Variants in CLSTN2 observed in about 807,000 individuals in gnomAD.
CLSTN2 encodes the protein calsyntenin-2.
Under a neutral mutation model 101.2 loss-of-function variants are expected in CLSTN2, and 48 were observed. The ratio of observed to expected loss-of-function variants is 0.47; its 90% CI spans 0.38 to 0.60. The LOEUF is 0.60. CLSTN2 is among the 20% of genes least tolerant of loss of function. The pLI, the probability that CLSTN2 is intolerant of heterozygous loss-of-function variation, is 0.00. For missense variants in CLSTN2, 1,160 were observed against 1,238.2 expected, an observed-to-expected ratio of 0.94 and a Z score of 0.95; for synonymous variants, 481 against 463.6, an observed-to-expected ratio of 1.04 and a Z score of -0.48.
At chr3:140,112,418 T>C (rs1044622490) in intron 1 of CLSTN2, among the ~76,000 whole-genome samples, 1 of 152,066 alleles carries the variant, frequency 6.6e-6, no homozygotes, top group African/African-American at 2.4e-5. Flanking sequence ...TTTTCTGCCA[T>C]AGAATATGCA....
intron 2 of CLSTN2, among the ~76,000 whole-genome samples, chr3:140,374,095 G>A (rs1275266555): frequency 1.3e-5 from 2 of 152,136 alleles, no homozygotes; most frequent in Non-Finnish European, 2.9e-5. Flanking sequence ...CCTACAGCAT[G>A]GCATCCTTCC....
intron 2 of CLSTN2, among the ~76,000 whole-genome samples, chr3:140,257,816 A>G (rs2086617181): frequency 6.6e-6 from 1 of 152,138 alleles, no homozygotes; most frequent in Non-Finnish European, 1.5e-5. Flanking sequence ...TGGCATTGTC[A>G]TGATTTTTTG....
chr3:139,982,480 G>A (rs1009376234), intron 1 of CLSTN2, among the ~76,000 whole-genome samples: 1 of 152,068 alleles, frequency 6.6e-6, no homozygotes, highest in Non-Finnish European at 1.5e-5. Flanking sequence ...TTTAATAGCT[G>A]CAAATGCTAG....
chr3:140,273,898 A>G (rs2086767910), intron 2 of CLSTN2, among the ~76,000 whole-genome samples: 1 of 152,146 alleles, frequency 6.6e-6, no homozygotes, highest in South Asian at 2.1e-4. Flanking sequence ...CTCAATTTCA[A>G]AGGGGACAGG....
chr3:140,305,033 C>G (rs2087098452), intron 2 of CLSTN2, among the ~76,000 whole-genome samples: 2 of 144,840 alleles, frequency 1.4e-5, no homozygotes, highest in Non-Finnish European at 3.1e-5. Context: ...GACACACACA[C>G]ACACACACAC....
intron 8 of CLSTN2, among the ~76,000 whole-genome samples, chr3:140,480,144 G>A (rs1166007807): frequency 1.3e-5 from 2 of 149,970 alleles, no homozygotes; most frequent in Non-Finnish European, 2.9e-5. Context: ...CCCTTCCTGT[G>A]TCCATGTGTT....
chr3:140,038,460 A>T (rs1352868374), intron 1 of CLSTN2, among the ~76,000 whole-genome samples: 1 of 152,130 alleles, frequency 6.6e-6, no homozygotes, highest in Non-Finnish European at 1.5e-5. Flanking sequence ...TCAGATGGAC[A>T]GATTGTAAAA....
intron 2 of CLSTN2, among the ~76,000 whole-genome samples, chr3:140,283,383 C>T (rs1323054518): frequency 6.6e-6 from 1 of 152,200 alleles, no homozygotes; most frequent in Non-Finnish European, 1.5e-5. Flanking sequence ...ACTAGTACAC[C>T]TGTGCAATCA....
At chr3:139,964,528 C>A (rs966698274) in intron 1 of CLSTN2, among the ~76,000 whole-genome samples, 6 of 151,974 alleles carry the variant, frequency 3.9e-5, no homozygotes, top group African/African-American at 1.2e-4. Flanking sequence ...GGGAAGAGGG[C>A]CTTAGTTAAG....
At chr3:140,255,455 A>G (rs894980531) in intron 2 of CLSTN2, among the ~76,000 whole-genome samples, 2 of 152,222 alleles carry the variant, frequency 1.3e-5, no homozygotes, top group African/African-American at 4.8e-5. Flanking sequence ...TACACAGAGG[A>G]ATACTTCACA....
chr3:140,248,752 T>C (rs1219125195), intron 2 of CLSTN2, among the ~76,000 whole-genome samples: 1 of 152,222 alleles, frequency 6.6e-6, no homozygotes, highest in Non-Finnish European at 1.5e-5. Flanking sequence ...TTTCATAATA[T>C]GTTTGAAGAT....
chr3:139,968,057 A>G (rs1411550283), intron 1 of CLSTN2, among the ~76,000 whole-genome samples: 1 of 152,134 alleles, frequency 6.6e-6, no homozygotes, highest in African/African-American at 2.4e-5. Context: ...CAAAATATCT[A>G]ATAATTGGTT....
At chr3:140,245,094 A>G (rs943442033) in intron 2 of CLSTN2, among the ~76,000 whole-genome samples, 15 of 152,080 alleles carry the variant, frequency 9.9e-5, no homozygotes, top group African/African-American at 3.1e-4. Context: ...ACCCTGATCT[A>G]GTTATTCTGG....
chr3:140,488,944 A>C (rs924659760), intron 8 of CLSTN2, among the ~76,000 whole-genome samples: 3 of 152,198 alleles, frequency 2.0e-5, no homozygotes, highest in Non-Finnish European at 4.4e-5. Context: ...AGACTGGGAA[A>C]ATCTATTATC....
chr3:140,523,929 G>T (rs1449558768), intron 8 of CLSTN2, among the ~76,000 whole-genome samples: 1 of 152,128 alleles, frequency 6.6e-6, no homozygotes. Flanking sequence ...AATCCTTTCT[G>T]TCTTGCAATA....
At position 140,556,673 on chromosome 3, in the gene CLSTN2, C is replaced by G; in HGVS notation, c.1823+12C>G. On this transcript the variant is annotated intron_variant, in intron 11 of 16. Coordinates refer to ENST00000458420, the MANE Select transcript of CLSTN2 (RefSeq NM_022131.3). ...TCCTCCAAAGTCCAGTGAGTGGACG[C>G]TGGTCAGCCTGGGGCCAACTGAGGC... 6.2e-7 allele frequency: 1 copy of G among 1,613,102 alleles called. No homozygotes were observed. The highest frequency in any genetic ancestry group is 8.5e-7 in the Non-Finnish European group (1 of 1,179,454).
intron 1 of CLSTN2, among the ~76,000 whole-genome samples, chr3:139,970,344 C>T (rs1248508306): frequency 1.3e-5 from 2 of 152,098 alleles, no homozygotes; most frequent in Admixed American, 6.5e-5. Context: ...CCATACGCTG[C>T]CAATAGATGG....
chr3:139,970,156 C>T (rs937098351), intron 1 of CLSTN2, among the ~76,000 whole-genome samples: 1 of 152,084 alleles, frequency 6.6e-6, no homozygotes, highest in Non-Finnish European at 1.5e-5. Context: ...GTGGCTTGGA[C>T]ATCAGAATTT....
At chr3:140,500,546 C>T (rs1471328053) in intron 8 of CLSTN2, among the ~76,000 whole-genome samples, 1 of 152,082 alleles carries the variant, frequency 6.6e-6, no homozygotes. Context: ...CTATTCTTTG[C>T]CTGTGTTTGA....
Sources: allele counts gnomAD v4.1 joint callset (sites outside exome capture counted in the v4.1 genomes callset), GRCh38; gene constraint gnomAD v4.1.1; transcripts MANE v1.5; gene names NCBI Gene and HGNC (gene_info 2026-07-23, HGNC 2026-07-21).